The following PDE6C variants were observed in gnomAD, a reference collection of about 807,000 sequenced individuals.
PDE6C encodes the protein cone cGMP-specific 3',5'-cyclic phosphodiesterase subunit alpha'.
A neutral mutation model predicts 113.1 loss-of-function variants in PDE6C; 75 were observed. The observed-to-expected ratio is 0.66, with a 90% CI of 0.55 to 0.80. The LOEUF (loss-of-function observed/expected upper bound fraction) is 0.80. Among genes scored for constraint, PDE6C ranks in the 30% least tolerant of loss-of-function variants. The pLI, the probability that PDE6C is intolerant of heterozygous loss-of-function variation, is 0.00. For missense variants in PDE6C, 912 were observed against 1,038.6 expected, an observed-to-expected ratio of 0.88 and a Z score of 1.67; for synonymous variants, 375 against 363.7, an observed-to-expected ratio of 1.03 and a Z score of -0.35.
At chr10:93,632,874 G>A (rs1430119170) in intron 8 of PDE6C, among the ~76,000 whole-genome samples, 1 of 152,180 alleles carries the variant, frequency 6.6e-6, no homozygotes, top group Non-Finnish European at 1.5e-5. Flanking sequence ...CTTAGATTGA[G>A]CACTTATTAC....
chr10:93,620,207 A>G (rs1007886133), intron 1 of PDE6C, among the ~76,000 whole-genome samples: 2 of 152,156 alleles, frequency 1.3e-5, no homozygotes, highest in Non-Finnish European at 2.9e-5. Flanking sequence ...GATGATTTCA[A>G]GTGCATGTTT....
intron 15 of PDE6C, among the ~76,000 whole-genome samples, chr10:93,655,428 T>A (rs1017063972): frequency 2.6e-5 from 4 of 152,092 alleles, no homozygotes; most frequent in Admixed American, 1.3e-4. Flanking sequence ...AGCACATTTT[T>A]AATCTATTGT....
At chr10:93,654,794 C>CTTTCTT (rs1554891580) in intron 15 of PDE6C, among the ~76,000 whole-genome samples, 1 of 73,014 alleles carries the variant, frequency 1.4e-5, no homozygotes, top group African/African-American at 4.9e-5. Flanking sequence ...TTCTTTCTTT[C>CTTTCTT]TTTCTTTCTT....
intron 1 of PDE6C, among the ~76,000 whole-genome samples, chr10:93,616,013 G>A (rs940034618): frequency 1.3e-5 from 2 of 152,190 alleles, no homozygotes; most frequent in African/African-American, 2.4e-5. Flanking sequence ...AGCCGCTGCA[G>A]TAAGATTTGC....
At chr10:93,634,590 A>G (rs1215653752) in intron 8 of PDE6C, among the ~76,000 whole-genome samples, 168 bp from the exon 9 acceptor site, 1 of 152,200 alleles carries the variant, frequency 6.6e-6, no homozygotes, top group Non-Finnish European at 1.5e-5. Context: ...GTTACACAAG[A>G]TGGTAGAAAA....
chr10:93,619,911 G>A (rs2058437166), intron 1 of PDE6C, among the ~76,000 whole-genome samples: 1 of 152,182 alleles, frequency 6.6e-6, no homozygotes, highest in African/African-American at 2.4e-5. Flanking sequence ...GGACAGTTGA[G>A]TGGATCATAA....
chr10:93,639,028 G>A (rs1307792121), intron 11 of PDE6C, among the ~76,000 whole-genome samples: 1 of 152,208 alleles, frequency 6.6e-6, no homozygotes, highest in Non-Finnish European at 1.5e-5. Flanking sequence ...CCTCCTCAGT[G>A]CACTAGTAAG....
At chr10:93,662,926 C>G in intron 20 of PDE6C, 102 bp from the exon 21 acceptor site, 2 of 1,043,622 alleles carry the variant, frequency 1.9e-6, no homozygotes, top group Admixed American at 1.9e-5. Flanking sequence ...CCTAGCAGCT[C>G]TGAGTGCTGT....
intron 16 of PDE6C, among the ~76,000 whole-genome samples, chr10:93,657,503 G>C (rs1041487498): frequency 3.3e-5 from 5 of 151,832 alleles, no homozygotes; most frequent in African/African-American, 1.2e-4. Context: ...TTTTCAAATT[G>C]TCCATAGGTG....
Position 93,620,725 on chromosome 10 carries a change from G to A in PDE6C, c.574G>A (p.Ala192Thr), listed in dbSNP as rs749422574. 6.2e-7 allele frequency: 1 copy of A among 1,614,196 alleles called. No individual in the cohort carries two copies. The highest frequency in any genetic ancestry group is 2.2e-5 in the East Asian group (1 of 44,878). Residue 192 changes from alanine to threonine, a missense_variant, in exon 2 of 22, where the codon GCT (alanine) becomes ACT (threonine). Physicochemically the swap from Ala to Thr is moderately conservative, Grantham distance 58. Coordinates refer to ENST00000371447, the MANE Select transcript of PDE6C (RefSeq NM_006204.4). ...TPIVVGKEVLAVIMAVNKVNA... is the reference protein window; with the variant it reads ...TPIVVGKEVLTVIMAVNKVNA... ...GATCGTGGTGGGCAAGGAGGTTCTTGCTGTGATCATGGCAGTTAACAAAGT... is the reference window on the plus strand; with the variant it reads ...GATCGTGGTGGGCAAGGAGGTTCTTACTGTGATCATGGCAGTTAACAAAGT...
chr10:93,663,293 G>T, intron 21 of PDE6C, 115 bp downstream of exon 21: 2 of 1,019,494 alleles, frequency 2.0e-6, no homozygotes, highest in Non-Finnish European at 3.0e-6. Context: ...CTTTACTGGT[G>T]CAGACTGATC....
Position 93,613,091 on chromosome 10 carries a change from G to T in PDE6C, c.366G>T (p.Lys122Asn). Residue 122 changes from lysine to asparagine, a missense_variant, in exon 1 of 22, where the codon AAG (lysine) becomes AAT (asparagine). Physicochemically the swap from Lys to Asn is moderately conservative, Grantham distance 94. Transcript: ENST00000371447. ...TGCTGGATGTCACCCCCACCTCCAA[G>T]TTTGAGGACAACCTGGTGGGCCCTG... is the stretch of plus-strand genomic sequence containing the variant. ...SRLLDVTPTS[K>N]FEDNLVGPDK... The T allele has an allele frequency of 6.2e-7, 1 of 1,614,208 alleles. No individual in the cohort carries two copies.
In PDE6C at chr10:93,613,030, G is replaced by A. The variant is rs1441591017; in HGVS notation, c.305G>A (p.Arg102Gln). Reference sequence around the variant, plus strand: ...GACCGCTGCAGCATGTTCCTGTGCCGGTCCCGGAACGGCATACCTGAGGTG... The same window carrying A: ...GACCGCTGCAGCATGTTCCTGTGCCAGTCCCGGAACGGCATACCTGAGGTG... ...QADRCSMFLC[R>Q]SRNGIPEVAS... The change falls in exon 1 of 22, where the codon CGG (arginine) becomes CAG (glutamine). Residue 102 changes from arginine (R) to glutamine (Q), a missense_variant. Physicochemically the swap from Arg to Gln is conservative, Grantham distance 43. Transcript: ENST00000371447. The A allele has an allele frequency of 9.9e-6, 16 of 1,614,146 alleles. No homozygotes were observed. The highest frequency in any genetic ancestry group is 1.7e-5 in the Admixed American group (1 of 60,022).
chr10:93,663,603 T>G (rs1470062671), intron 21 of PDE6C, among the ~76,000 whole-genome samples: 2 of 152,158 alleles, frequency 1.3e-5, no homozygotes, highest in Non-Finnish European at 1.5e-5. Flanking sequence ...TTCTTCTCCA[T>G]GTAATGAGGT....
At chr10:93,662,953 T>G in intron 20 of PDE6C, 75 bp from the exon 21 acceptor site, 1 of 1,281,980 alleles carries the variant, frequency 7.8e-7, no homozygotes, top group African/African-American at 1.5e-5. Flanking sequence ...TCCTTACAGC[T>G]CACTCTCTGC....
intron 18 of PDE6C, among the ~76,000 whole-genome samples, chr10:93,659,776 G>C (rs986362878): frequency 5.3e-5 from 8 of 152,206 alleles, no homozygotes; most frequent in African/African-American, 1.9e-4. Flanking sequence ...TTCAAGATGA[G>C]ATTTGTGTGG....
intron 10 of PDE6C, among the ~76,000 whole-genome samples, chr10:93,636,370 G>GTGTGTA (rs1299730645): frequency 1.2e-5 from 1 of 84,962 alleles, no homozygotes; most frequent in African/African-American, 4.0e-5. Flanking sequence ...CCCTGGCTTT[G>GTGTGTA]TGTGTGTGTG....
intron 4 of PDE6C, among the ~76,000 whole-genome samples, chr10:93,622,907 G>A (rs1161251045): frequency 6.6e-6 from 1 of 152,066 alleles, no homozygotes; most frequent in Non-Finnish European, 1.5e-5. Context: ...CTAATATTTA[G>A]TGATTGTGAA....
chr10:93,644,900 A>ATACACTATATC (rs2058577012), intron 14 of PDE6C, among the ~76,000 whole-genome samples: 3 of 11,486 alleles, frequency 2.6e-4, no homozygotes, highest in Non-Finnish European at 2.4e-3. Flanking sequence ...TAGTATATAT[A>ATACACTATATC]GTATATATAC....
Sources: gnomAD v4.1 joint callset for allele counts (sites outside exome capture counted in the v4.1 genomes callset) on GRCh38, gnomAD v4.1.1 for gene constraint, MANE v1.5 for transcripts, NCBI Gene and HGNC (gene_info 2026-07-23, HGNC 2026-07-21) for gene names.